The following GABRB3 variants were observed in gnomAD, a reference collection of about 807,000 sequenced individuals.
GABRB3 encodes the protein gamma-aminobutyric acid type A receptor subunit beta3, also known as gamma-aminobutyric acid receptor subunit beta-3.
In GABRB3, 14 loss-of-function variants were observed where a neutral mutation model predicts 52.1. The ratio of observed to expected loss-of-function variants is 0.27; its 90% CI spans 0.18 to 0.42. GABRB3 has a LOEUF of 0.42. Among genes scored for constraint, GABRB3 ranks in the 10% least tolerant of loss-of-function variants. GABRB3 has a pLI of 1.00. For missense variants in GABRB3, 307 were observed against 609.1 expected, an observed-to-expected ratio of 0.50 and a Z score of 5.22; for synonymous variants, 260 against 232.3, an observed-to-expected ratio of 1.12 and a Z score of -1.08.
At position 26,580,361 on chromosome 15, in the gene GABRB3, C is replaced by T. The variant is rs761554616; in HGVS notation, c.640G>A (p.Val214Met). Residue 214 changes from valine to methionine, a missense_variant, in exon 6 of 9, where the codon GTG becomes ATG. Coordinates refer to ENST00000311550, the MANE Select transcript of GABRB3 (RefSeq NM_000814.6). ...TTCCTCGAGACCAGACGGTGCTCCA[C>T]GATGGAGAACTGCGGGAGCTCAATC... is the stretch of plus-strand genomic sequence containing the variant. Reference protein sequence around the residue: ...ERIELPQFSIVEHRLVSRNVV... With the variant: ...ERIELPQFSIMEHRLVSRNVV... 6.2e-6 allele frequency: 10 copies of T among 1,614,032 alleles called. No individual in the cohort carries two copies. Among genetic ancestry groups the T allele is most frequent in the African/African-American group, 4.0e-5 (3 of 74,900 alleles).
chr15:26,583,684 G>A (rs537097400), intron 4 of GABRB3, among the ~76,000 whole-genome samples: 84 of 150,654 alleles, frequency 5.6e-4, no homozygotes, highest in Non-Finnish European at 1.0e-3. Flanking sequence ...CATAAAAATT[G>A]TATACATTTG....
intron 2 of GABRB3, 98 bp downstream of exon 2, chr15:26,772,583 C>A: frequency 2.1e-6 from 3 of 1,444,202 alleles, no homozygotes; most frequent in Middle Eastern, 1.8e-4. Context: ...CCACTCCCAC[C>A]CGCCGCTGCT....
intron 3 of GABRB3, among the ~76,000 whole-genome samples, chr15:26,685,405 C>T (rs186114087): frequency 1.2e-3 from 182 of 152,232 alleles, no homozygotes; most frequent in African/African-American, 4.2e-3. Context: ...AATGGGAAGA[C>T]ATAAAGATAG....
chr15:26,549,049 C>T (rs954036774), intron 8 of GABRB3, among the ~76,000 whole-genome samples: 3 of 152,184 alleles, frequency 2.0e-5, no homozygotes, highest in Admixed American at 6.5e-5. Context: ...CTTTCTTTGC[C>T]TGGAGGGCCA....
chr15:26,673,549 C>T (rs1312280306), intron 3 of GABRB3, among the ~76,000 whole-genome samples: 6 of 152,220 alleles, frequency 3.9e-5, no homozygotes, highest in Non-Finnish European at 8.8e-5. Context: ...TACAGTGACA[C>T]TGATGATACG....
chr15:26,672,834 A>G (rs1213425169), intron 3 of GABRB3, among the ~76,000 whole-genome samples: 1 of 152,194 alleles, frequency 6.6e-6, no homozygotes, highest in African/African-American at 2.4e-5. Context: ...AGGAAGAATG[A>G]TAAAATGCCA....
intron 4 of GABRB3, among the ~76,000 whole-genome samples, chr15:26,610,828 T>C (rs1022687397): frequency 2.6e-5 from 4 of 152,188 alleles, no homozygotes; most frequent in Admixed American, 2.0e-4. Context: ...AAGATGAAAA[T>C]AGCAATGTCT....
intron 3 of GABRB3, among the ~76,000 whole-genome samples, chr15:26,745,599 CG>C (rs1190222483): frequency 6.6e-6 from 1 of 152,158 alleles, no homozygotes; most frequent in Non-Finnish European, 1.5e-5. Context: ...CACAAGGCTC[CG>C]GGTGTCACCT....
At chr15:26,630,264 G>A (rs1255188708) in intron 3 of GABRB3, among the ~76,000 whole-genome samples, 1 of 152,188 alleles carries the variant, frequency 6.6e-6, no homozygotes, top group Non-Finnish European at 1.5e-5. Context: ...GTCCACAGAA[G>A]GGAAAGCTGC....
rs1889248150 is a variant in GABRB3 at position 26,546,541 on chromosome 15, T to C, written c.*1252A>G. 6.6e-6 allele frequency: 1 copy of C among 152,514 alleles called. No homozygotes were observed. The highest frequency in any genetic ancestry group is 1.5e-5 in the Non-Finnish European group (1 of 68,014). The allele number at this position is 152,514 out of a possible 1,614,324, so 9.4% of individuals were successfully genotyped here. On this transcript the variant is annotated 3_prime_UTR_variant, in exon 9 of 9. Coordinates refer to ENST00000311550, the MANE Select transcript of GABRB3 (RefSeq NM_000814.6). ...GTGTACGGGTCATGTTCCTGCAGAATCCTAGTCAGTCTAGGAGTAGTTGGA... is the reference window on the plus strand; with the variant it reads ...GTGTACGGGTCATGTTCCTGCAGAACCCTAGTCAGTCTAGGAGTAGTTGGA...
At chr15:26,705,958 C>A (rs1179493268) in intron 3 of GABRB3, among the ~76,000 whole-genome samples, 1 of 152,182 alleles carries the variant, frequency 6.6e-6, no homozygotes, top group African/African-American at 2.4e-5. Context: ...TGTTCACCAT[C>A]TGGGTTCCAG....
At chr15:26,668,341 G>T (rs1887780196) in intron 3 of GABRB3, among the ~76,000 whole-genome samples, 1 of 152,152 alleles carries the variant, frequency 6.6e-6, no homozygotes, top group Non-Finnish European at 1.5e-5. Context: ...ATGAAAACAA[G>T]ATTTGATACT....
chr15:26,709,515 C>CTTTTTTTTTTTTTTTTT (rs57044167), intron 3 of GABRB3, among the ~76,000 whole-genome samples: 15 of 92,006 alleles, frequency 1.6e-4, no homozygotes, highest in East Asian at 6.9e-4. Flanking sequence ...TTTTTTCTTT[C>CTTTTTTTTTTTTTTTTT]TTTTTTTTTT....
At chr15:26,726,352 G>A (rs542007868) in intron 3 of GABRB3, among the ~76,000 whole-genome samples, 4 of 152,190 alleles carry the variant, frequency 2.6e-5, no homozygotes, top group Non-Finnish European at 5.9e-5. Context: ...CATAACTGCA[G>A]TAAAATGATC....
chr15:26,544,229 G>C lies in GABRB3; in HGVS notation c.*3564C>G, dbSNP rs1889137596. The C allele has an allele frequency of 6.6e-6, 1 of 152,600 alleles. No homozygotes were observed. 9.5% of individuals were successfully genotyped at this position (152,600 alleles called of 1,614,324 possible). A position where few individuals can be genotyped will look rare whatever the true frequency, so the allele number is the denominator to read the frequency against. On this transcript the variant is annotated 3_prime_UTR_variant, in exon 9 of 9. Coordinates refer to ENST00000311550, the MANE Select transcript of GABRB3 (RefSeq NM_000814.6). ...TTCAAAGTTGGACACATTCTTGTTA[G>C]AATACACCAATGGTGGGACAAACAC...
intron 3 of GABRB3, among the ~76,000 whole-genome samples, chr15:26,697,260 GC>G (rs1888770840): frequency 6.6e-6 from 1 of 152,164 alleles, no homozygotes; most frequent in South Asian, 2.1e-4. Flanking sequence ...CAAAGGGTAA[GC>G]TTTTCCTTAT....
chr15:26,669,408 A>C (rs1887818126), intron 3 of GABRB3, among the ~76,000 whole-genome samples: 1 of 152,194 alleles, frequency 6.6e-6, no homozygotes. Context: ...TGCAGTGAGC[A>C]GTGAATCATA....
At chr15:26,671,076 G>A (rs2140630799) in intron 3 of GABRB3, among the ~76,000 whole-genome samples, 1 of 152,136 alleles carries the variant, frequency 6.6e-6, no homozygotes, top group Admixed American at 6.5e-5. Flanking sequence ...TGAGGAATAA[G>A]CCCTACGCCA....
At chr15:26,733,001 T>C (rs1392717532) in intron 3 of GABRB3, among the ~76,000 whole-genome samples, 5 of 24,950 alleles carry the variant, frequency 2.0e-4, no homozygotes, top group Admixed American at 4.8e-4. Flanking sequence ...TTGTCTCTAA[T>C]AGAAAAAAAA....
Sources: allele counts gnomAD v4.1 joint callset (sites outside exome capture counted in the v4.1 genomes callset), GRCh38; gene constraint gnomAD v4.1.1; transcripts MANE v1.5; gene names NCBI Gene and HGNC (gene_info 2026-07-23, HGNC 2026-07-21).